AGBL1: variants seen among roughly 807,000 people sequenced by gnomAD.
AGBL1 encodes the protein AGBL carboxypeptidase 1.
Under a neutral mutation model 118.9 loss-of-function variants are expected in AGBL1, and 130 were observed. The ratio of observed to expected loss-of-function variants is 1.09; its 90% CI spans 0.95 to 1.26. The LOEUF is 1.26. AGBL1 is among the 50% of genes most tolerant of loss of function. AGBL1 has a pLI of 0.00. For missense variants in AGBL1, 1,584 were observed against 1,298.1 expected (o/e 1.22, Z -3.38); for synonymous variants, 555 against 478.9 (o/e 1.16, Z -2.08).
At position 86,104,616 on chromosome 15, in the gene AGBL1, G is replaced by C. The variant is rs1278821953; in HGVS notation, c.51+24593G>C. 3.3e-5 allele frequency among the ~76,000 whole-genome samples: 5 copies of C among 152,294 alleles called. No individual in the cohort carries two copies. In the East Asian group the frequency reaches 9.7e-4, roughly 29 times the overall value. ...GGGAGTGGCAGGCTTGTTGCCAATG[G>C]CTTGTGCTTTTGCCCTGGAGGCAGC... On this transcript the variant is annotated intron_variant, in intron 1 of 22. Coordinates refer to ENST00000614907, the MANE Select transcript of AGBL1 (RefSeq NM_001386094.1).
At chr15:86,111,389 G>A (rs1482669299) in intron 1 of AGBL1, among the ~76,000 whole-genome samples, 1 of 152,174 alleles carries the variant, frequency 6.6e-6, no homozygotes, top group Non-Finnish European at 1.5e-5. Flanking sequence ...TCAGCTGCTA[G>A]GAGAGTGACC....
At chr15:86,487,617 C>G (rs2082729741) in intron 18 of AGBL1, among the ~76,000 whole-genome samples, 1 of 151,548 alleles carries the variant, frequency 6.6e-6, no homozygotes, top group South Asian at 2.1e-4. Flanking sequence ...AGAATGAAAG[C>G]TCATTTGGCA....
chr15:86,810,279 G>A (rs1214847020), intron 22 of AGBL1, among the ~76,000 whole-genome samples: 2 of 152,100 alleles, frequency 1.3e-5, no homozygotes, highest in Non-Finnish European at 2.9e-5. Flanking sequence ...TTCCTTTTGA[G>A]TGAGTAGAGG....
chr15:86,319,743 G>GGTTTTTT, intron 17 of AGBL1, among the ~76,000 whole-genome samples: 1 of 47,254 alleles, frequency 2.1e-5, no homozygotes, highest in South Asian at 1.1e-3. Context: ...CTCTTTGGTA[G>GGTTTTTT]TTTTTTTTTT....
intron 16 of AGBL1, among the ~76,000 whole-genome samples, chr15:86,285,587 C>G (rs758705999): frequency 6.6e-6 from 1 of 152,156 alleles, no homozygotes; most frequent in Non-Finnish European, 1.5e-5. Context: ...TGCGAGGCCT[C>G]TCCAGCCACG....
intron 23 of AGBL1, chr15:86,933,035 AT>A (rs751813331): frequency 2.6e-5 from 4 of 152,212 alleles, no homozygotes; most frequent in Non-Finnish European, 5.9e-5. Flanking sequence ...TAATAATAGA[AT>A]TTTAAACAAG....
chr15:86,591,102 C>G (rs1459251749), intron 21 of AGBL1, among the ~76,000 whole-genome samples: 1 of 152,192 alleles, frequency 6.6e-6, no homozygotes, highest in Non-Finnish European at 1.5e-5. Context: ...ATTTATCTCT[C>G]TTAACCTTGA....
chr15:86,796,551 A>G (rs1014090563), intron 22 of AGBL1, among the ~76,000 whole-genome samples: 6 of 152,322 alleles, frequency 3.9e-5, no homozygotes, highest in Non-Finnish European at 8.8e-5. Context: ...AGATTTAGCT[A>G]TGGCTTTGGA....
At chr15:86,088,913 C>A (rs1326100184) in intron 1 of AGBL1, among the ~76,000 whole-genome samples, 1 of 152,156 alleles carries the variant, frequency 6.6e-6, no homozygotes, top group Non-Finnish European at 1.5e-5. Context: ...CTTCTTCCAT[C>A]ATGGTTGGAA....
chr15:86,557,319 G>A (rs2083749159), intron 21 of AGBL1, among the ~76,000 whole-genome samples: 1 of 152,128 alleles, frequency 6.6e-6, no homozygotes, highest in Admixed American at 6.5e-5. Flanking sequence ...GCTTCACACT[G>A]AGTGTTTGTG....
At chr15:86,177,416 A>C (rs2077495970) in intron 5 of AGBL1, among the ~76,000 whole-genome samples, 2 of 152,214 alleles carry the variant, frequency 1.3e-5, no homozygotes, top group South Asian at 4.1e-4. Flanking sequence ...AAGAATATAG[A>C]TGATTTAAAT....
chr15:86,556,238 T>C lies in AGBL1; in HGVS notation c.2994+1701T>C, dbSNP rs79173482. On this transcript the variant is annotated intron_variant, in intron 21 of 22. Transcript: ENST00000614907. Reference sequence around the variant, plus strand: ...TACTGTGCAGTGTACACAGAGGCTGTTGGAGAGGACAAAGAATGAAAGGGC... The same window carrying C: ...TACTGTGCAGTGTACACAGAGGCTGCTGGAGAGGACAAAGAATGAAAGGGC... The C allele has an allele frequency of 3.1e-6, 5 of 1,612,738 alleles. No individual in the cohort carries two copies. The African/African-American group carries it at 5.3e-5, about 17-fold the overall frequency.
chr15:86,314,717 C>T (rs1056251721), intron 17 of AGBL1, among the ~76,000 whole-genome samples: 22 of 152,196 alleles, frequency 1.4e-4, no homozygotes, highest in African/African-American at 3.6e-4. Flanking sequence ...ACATTGCTTC[C>T]CCAGTAGGAA....
At chr15:86,361,293 T>C (rs79828216) in intron 17 of AGBL1, among the ~76,000 whole-genome samples, 3,807 of 152,148 alleles carry the variant, frequency 0.025, 65 homozygotes, top group Non-Finnish European at 0.038. Flanking sequence ...TTTTATTCCA[T>C]TGTGTTCATA....
intron 5 of AGBL1, among the ~76,000 whole-genome samples, chr15:86,198,098 C>G (rs2077844542): frequency 6.6e-6 from 1 of 152,148 alleles, no homozygotes; most frequent in Non-Finnish European, 1.5e-5. Context: ...GAGCATTGAA[C>G]TAGAAAGGAT....
At chr15:86,148,334 G>C (rs1000691326) in intron 3 of AGBL1, among the ~76,000 whole-genome samples, 1 of 152,098 alleles carries the variant, frequency 6.6e-6, no homozygotes, top group African/African-American at 2.4e-5. Context: ...ACTTTTCTGA[G>C]GTAAAGAAGG....
chr15:86,714,164 G>A (rs1020960004), intron 22 of AGBL1, among the ~76,000 whole-genome samples: 1 of 152,086 alleles, frequency 6.6e-6, no homozygotes, highest in Non-Finnish European at 1.5e-5. Flanking sequence ...TATAAACACA[G>A]AATTAATTAT....
chr15:86,781,394 T>C (rs563052886), intron 22 of AGBL1, among the ~76,000 whole-genome samples: 14 of 152,350 alleles, frequency 9.2e-5, no homozygotes, highest in Admixed American at 3.9e-4. Flanking sequence ...TCCCTTAATA[T>C]TTCAATGTAA....
intron 24 of AGBL1, among the ~76,000 whole-genome samples, chr15:87,003,511 T>C (rs181529141): frequency 9.1e-4 from 138 of 152,290 alleles, no homozygotes; most frequent in African/African-American, 3.2e-3. Flanking sequence ...TAGGGAGAAT[T>C]CCCTCTTTTT....
Sources: allele counts gnomAD v4.1 joint callset (sites outside exome capture counted in the v4.1 genomes callset), GRCh38; gene constraint gnomAD v4.1.1; transcripts MANE v1.5; gene names NCBI Gene and HGNC (gene_info 2026-07-23, HGNC 2026-07-21).